NRXN1: variants seen among roughly 807,000 people sequenced by gnomAD.
The protein encoded by NRXN1 is neurexin 1.
Under a neutral mutation model 150.9 loss-of-function variants are expected in NRXN1, and 39 were observed. That is an observed-to-expected ratio of 0.26 (90% CI 0.20 to 0.34). NRXN1 has a LOEUF of 0.34. NRXN1 is among the 10% of genes least tolerant of loss of function. The pLI is 1.00. For missense variants in NRXN1, 1,815 were observed against 1,949.9 expected, an observed-to-expected ratio of 0.93 and a Z score of 1.30; for synonymous variants, 924 against 757.0, an observed-to-expected ratio of 1.22 and a Z score of -3.62.
At chr2:50,883,110 A>G (rs1184076029) in intron 5 of NRXN1, among the ~76,000 whole-genome samples, 1 of 151,898 alleles carries the variant, frequency 6.6e-6, no homozygotes, top group Admixed American at 6.6e-5. Flanking sequence ...ATTTTGAAGC[A>G]GATAAACTAA....
At chr2:50,944,304 G>A (rs1424843618) in intron 2 of NRXN1, among the ~76,000 whole-genome samples, 1 of 152,312 alleles carries the variant, frequency 6.6e-6, no homozygotes, top group East Asian at 1.9e-4. Flanking sequence ...GAAATTCACA[G>A]CTAAGCAGGA....
chr2:50,272,189 A>T (rs2069774408), intron 17 of NRXN1, among the ~76,000 whole-genome samples: 1 of 152,210 alleles, frequency 6.6e-6, no homozygotes, highest in Admixed American at 6.5e-5. Flanking sequence ...GAGAAAACGT[A>T]GAAAACAAGA....
intron 2 of NRXN1, among the ~76,000 whole-genome samples, chr2:50,999,463 T>A (rs542088579): frequency 6.6e-6 from 1 of 152,042 alleles, no homozygotes; most frequent in South Asian, 2.1e-4. Context: ...TTCTTGCACA[T>A]CTTCTATGTG....
At chr2:50,886,776 G>A (rs1484603571) in intron 5 of NRXN1, among the ~76,000 whole-genome samples, 1 of 151,194 alleles carries the variant, frequency 6.6e-6, no homozygotes, top group Non-Finnish European at 1.5e-5. Flanking sequence ...GTCCTTTAAG[G>A]ATACAGTTTT....
chr2:50,574,687 C>G (rs937848045), intron 8 of NRXN1, among the ~76,000 whole-genome samples: 1 of 152,184 alleles, frequency 6.6e-6, no homozygotes, highest in Non-Finnish European at 1.5e-5. Context: ...GAGAATCATA[C>G]TAAATTAATT....
intron 17 of NRXN1, among the ~76,000 whole-genome samples, chr2:50,338,067 G>T (rs1481424095): frequency 2.0e-5 from 3 of 152,158 alleles, no homozygotes; most frequent in Admixed American, 6.5e-5. Context: ...CTAGTCCCAA[G>T]AAAAAGAATG....
chr2:50,958,681 T>C, intron 2 of NRXN1, among the ~76,000 whole-genome samples: 1 of 152,168 alleles, frequency 6.6e-6, no homozygotes, highest in East Asian at 1.9e-4. Flanking sequence ...TGGATACCTC[T>C]TAGTTTCTTT....
At chr2:50,282,804 A>G (rs1042222506) in intron 17 of NRXN1, among the ~76,000 whole-genome samples, 4 of 152,172 alleles carry the variant, frequency 2.6e-5, no homozygotes, top group Non-Finnish European at 5.9e-5. Context: ...CAGCAAAATA[A>G]TTTTGAGTAG....
intron 17 of NRXN1, among the ~76,000 whole-genome samples, chr2:50,343,795 A>T (rs985714516): frequency 6.6e-6 from 1 of 152,230 alleles, no homozygotes; most frequent in Admixed American, 6.5e-5. Flanking sequence ...TCCTTAAACT[A>T]TACCATAAAT....
chr2:50,951,494 C>T (rs1691328806), intron 2 of NRXN1, among the ~76,000 whole-genome samples: 1 of 152,066 alleles, frequency 6.6e-6, no homozygotes, highest in Non-Finnish European at 1.5e-5. Context: ...TTTGGCACAC[C>T]TTTATATAGT....
chr2:50,480,059 C>A (rs1289353773), intron 15 of NRXN1, among the ~76,000 whole-genome samples: 2 of 152,184 alleles, frequency 1.3e-5, no homozygotes, highest in Non-Finnish European at 2.9e-5. Context: ...AGGCGTAAGC[C>A]ACCATGCCCG....
chr2:50,084,742 T>G (rs568295470), intron 19 of NRXN1, among the ~76,000 whole-genome samples: 15 of 152,250 alleles, frequency 9.9e-5, no homozygotes, highest in Admixed American at 4.6e-4. Flanking sequence ...GGAGGGCTGC[T>G]AGCACGCTGT....
At chr2:50,591,985 G>A (rs376683092) in intron 8 of NRXN1, among the ~76,000 whole-genome samples, 12 of 152,224 alleles carry the variant, frequency 7.9e-5, no homozygotes, top group African/African-American at 2.2e-4. Flanking sequence ...CCTCAAATCC[G>A]TTCCAAGCTG....
At chr2:50,950,799 A>G (rs964167718) in intron 2 of NRXN1, among the ~76,000 whole-genome samples, 18 of 152,364 alleles carry the variant, frequency 1.2e-4, no homozygotes, top group African/African-American at 4.1e-4. Flanking sequence ...TTACAAAGAT[A>G]CCTTGTTTAT....
chr2:50,772,798 G>C (rs1380643701), intron 5 of NRXN1, among the ~76,000 whole-genome samples: 17 of 152,018 alleles, frequency 1.1e-4, no homozygotes. Flanking sequence ...AGTGAGAAAG[G>C]GAGGTGCTTA....
intron 2 of NRXN1, among the ~76,000 whole-genome samples, chr2:50,999,341 G>A (rs1699739377): frequency 6.6e-6 from 1 of 152,000 alleles, no homozygotes; most frequent in Non-Finnish European, 1.5e-5. Context: ...TGCTTAACAG[G>A]TATGGCCCCT....
chr2:51,019,290 G>A (rs1433795052), intron 2 of NRXN1, among the ~76,000 whole-genome samples: 1 of 151,900 alleles, frequency 6.6e-6, no homozygotes, highest in African/African-American at 2.4e-5. Context: ...TGATAAAATC[G>A]ATATTTTATA....
At chr2:50,136,003 G>A (rs1347736484) in intron 18 of NRXN1, among the ~76,000 whole-genome samples, 2 of 152,108 alleles carry the variant, frequency 1.3e-5, no homozygotes, top group East Asian at 3.9e-4. Context: ...GCAACCCAGG[G>A]AATTGCCCTA....
intron 2 of NRXN1, among the ~76,000 whole-genome samples, chr2:50,951,118 T>G (rs979762331): frequency 6.6e-6 from 1 of 152,208 alleles, no homozygotes; most frequent in Non-Finnish European, 1.5e-5. Flanking sequence ...GACAGCTGTT[T>G]GAAACAATGT....
Sources: gnomAD v4.1 joint callset for allele counts (sites outside exome capture counted in the v4.1 genomes callset) on GRCh38, gnomAD v4.1.1 for gene constraint, MANE v1.5 for transcripts, NCBI Gene and HGNC (gene_info 2026-07-23, HGNC 2026-07-21) for gene names.